Variants in RCL1 observed in about 807,000 individuals in gnomAD.
RCL1 encodes RNA 3'-terminal phosphate cyclase-like protein.
RCL1 carries 24 observed loss-of-function variants against 42.4 expected under a neutral mutation model. The ratio of observed to expected loss-of-function variants is 0.57; its 90% CI spans 0.41 to 0.80. The LOEUF (loss-of-function observed/expected upper bound fraction) is 0.80, where lower values mean the gene tolerates loss of function less well. Ranked by LOEUF, RCL1 falls within the 30% of genes least tolerant of loss-of-function variation. The pLI is 0.00. For synonymous variants in RCL1, 228 were observed against 177.3 expected (o/e 1.29, Z -2.27); for missense variants, 578 against 467.9 (o/e 1.24, Z -2.17).
At chr9:4,802,679 T>C (rs1036606486) in intron 1 of RCL1, among the ~76,000 whole-genome samples, 3 of 152,256 alleles carry the variant, frequency 2.0e-5, no homozygotes, top group African/African-American at 7.2e-5. Context: ...ACTTAAATTT[T>C]TATTACATAT....
At chr9:4,841,162 C>T (rs777421654) in intron 5 of RCL1, 70 bp from the exon 6 acceptor site, 1 of 1,579,330 alleles carries the variant, frequency 6.3e-7, no homozygotes, top group Non-Finnish European at 8.7e-7. Flanking sequence ...CAAATACTTG[C>T]CAGCTTTATA....
chr9:4,823,714 C>T (rs938154735), intron 2 of RCL1, 95 bp downstream of exon 2: 3 of 775,800 alleles, frequency 3.9e-6, no homozygotes, highest in Non-Finnish European at 6.4e-6. Context: ...TCTAGTCAGT[C>T]TCTGCTTATC....
At chr9:4,801,116 G>C (rs1201995787) in intron 1 of RCL1, among the ~76,000 whole-genome samples, 1 of 152,186 alleles carries the variant, frequency 6.6e-6, no homozygotes, top group Non-Finnish European at 1.5e-5. Context: ...GATGTCTTAA[G>C]TGAAACATCT....
At chr9:4,835,514 T>C (rs951034838) in intron 5 of RCL1, among the ~76,000 whole-genome samples, 6 of 152,102 alleles carry the variant, frequency 3.9e-5, no homozygotes, top group Non-Finnish European at 7.4e-5. Flanking sequence ...GACCACTCTT[T>C]ACAGAACCTT....
chr9:4,806,136 A>C (rs767277349), intron 1 of RCL1, among the ~76,000 whole-genome samples: 3 of 145,998 alleles, frequency 2.1e-5, no homozygotes. Flanking sequence ...TTCCCTTGTC[A>C]TTTCCTTGGA....
intron 6 of RCL1, among the ~76,000 whole-genome samples, chr9:4,841,881 G>C (rs1439995142): frequency 2.0e-5 from 3 of 152,066 alleles, no homozygotes; most frequent in African/African-American, 4.8e-5. Flanking sequence ...TTCTAAGTAA[G>C]GAAAATAAGT....
At position 4,823,625 on chromosome 9, in the gene RCL1, C is replaced by T. The variant is rs1465957246; in HGVS notation, c.208+6C>T. On this transcript the variant is annotated splice_donor_region_variant and intron_variant, in intron 2 of 8. Coordinates refer to ENST00000381750, the MANE Select transcript of RCL1 (RefSeq NM_005772.5). ...AATTGAAATAAACCAAACAGGTAAGCTCCTTTTAGATTCCTAAAAGCACCT... is the reference window on the plus strand; with the variant it reads ...AATTGAAATAAACCAAACAGGTAAGTTCCTTTTAGATTCCTAAAAGCACCT... The T allele has an allele frequency of 6.2e-7, 1 of 1,602,520 alleles. No individual in the cohort carries two copies. The highest frequency in any genetic ancestry group is 8.5e-7 in the Non-Finnish European group (1 of 1,173,274).
At chr9:4,817,026 C>T (rs1040644934) in intron 1 of RCL1, among the ~76,000 whole-genome samples, 2 of 152,162 alleles carry the variant, frequency 1.3e-5, no homozygotes, top group Non-Finnish European at 2.9e-5. Context: ...ACCGTGTTAG[C>T]CAGGATGGTC....
At chr9:4,828,412 A>C (rs563598375) in intron 3 of RCL1, among the ~76,000 whole-genome samples, 1 of 152,220 alleles carries the variant, frequency 6.6e-6, no homozygotes, top group African/African-American at 2.4e-5. Flanking sequence ...TTAGGCAATA[A>C]AAACTTATTC....
At position 4,844,574 on chromosome 9, in the gene RCL1, T is replaced by G; in HGVS notation, c.760T>G (p.Phe254Val). The G allele has an allele frequency of 6.2e-7, 1 of 1,613,836 alleles. No individual in the cohort carries two copies. Among genetic ancestry groups the G allele is most frequent in the Non-Finnish European group, 8.5e-7 (1 of 1,179,864 alleles). ...SLVAETTSGT[F>V]LSAELASNPQ... ...GGTTGCTGAGACCACCAGTGGCACC[T>G]TCCTCAGTGCTGAACTGGCCTCCAA... Residue 254 changes from phenylalanine (F) to valine (V), a missense_variant, in exon 7 of 9, where the codon TTC (phenylalanine) becomes GTC (valine). By Grantham distance (50) the Phe-to-Val change is conservative (BLOSUM62 -1). Coordinates refer to ENST00000381750, the MANE Select transcript of RCL1 (RefSeq NM_005772.5).
At position 4,860,409 on chromosome 9, in the gene RCL1, A is replaced by G. The variant is rs567128800; in HGVS notation, c.*134A>G. 4 of 955,252 alleles carry G rather than the reference A, an allele frequency of 4.2e-6. No homozygotes were observed. Among genetic ancestry groups the G allele is most frequent in the African/African-American group, 3.4e-5 (2 of 58,350 alleles). The allele number at this position is 955,252 out of a possible 1,614,324, so 59.2% of individuals were successfully genotyped here. A position where few individuals can be genotyped will look rare whatever the true frequency, so the allele number is the denominator to read the frequency against. Reference sequence around the variant, plus strand: ...CTTAATTTTCTGTGAAGAAATATCAATATACAAATAAAAGACATCCCTGTA... The same window carrying G: ...CTTAATTTTCTGTGAAGAAATATCAGTATACAAATAAAAGACATCCCTGTA... On this transcript the variant is annotated 3_prime_UTR_variant, in exon 9 of 9. Coordinates refer to ENST00000381750, the MANE Select transcript of RCL1 (RefSeq NM_005772.5).
intron 7 of RCL1, among the ~76,000 whole-genome samples, chr9:4,847,991 C>T (rs1044241565): frequency 8.5e-5 from 13 of 152,198 alleles, no homozygotes; most frequent in African/African-American, 2.9e-4. Context: ...AGGGTGATAG[C>T]CCCTACCACT....
chr9:4,847,758 C>T (rs1817571872), intron 7 of RCL1, among the ~76,000 whole-genome samples: 2 of 152,232 alleles, frequency 1.3e-5, no homozygotes, highest in South Asian at 4.1e-4. Context: ...TTGGGCTACC[C>T]ACCTTCTCTG....
chr9:4,850,534 T>C (rs1352718921), intron 8 of RCL1, among the ~76,000 whole-genome samples: 1 of 151,120 alleles, frequency 6.6e-6, no homozygotes, highest in Admixed American at 6.6e-5. Flanking sequence ...GGAGGTTTTT[T>C]TAGAACAGGA....
At position 4,860,510 on chromosome 9, in the gene RCL1, T is replaced by G. The variant is rs1399137721; in HGVS notation, c.*235T>G. On this transcript the variant is annotated 3_prime_UTR_variant, in exon 9 of 9. Coordinates refer to ENST00000381750, the MANE Select transcript of RCL1 (RefSeq NM_005772.5). ...GGCCCAGTCACCATGAGAGCTCCCT[T>G]GCCTTACCTGGAGGAAGAATGTGCC... 6.3e-6 allele frequency: 3 copies of G among 475,412 alleles called. No homozygotes were observed. Among genetic ancestry groups the G allele is most frequent in the Non-Finnish European group, 1.1e-5 (3 of 275,670 alleles). 29.4% of individuals were successfully genotyped at this position (475,412 alleles called of 1,614,324 possible).
At chr9:4,808,043 C>G (rs771330770) in intron 1 of RCL1, among the ~76,000 whole-genome samples, 2 of 151,940 alleles carry the variant, frequency 1.3e-5, no homozygotes, top group Middle Eastern at 6.8e-3. Flanking sequence ...GGGTGGAGTG[C>G]TCTATAAATG....
chr9:4,803,284 A>T (rs531501548), intron 1 of RCL1, among the ~76,000 whole-genome samples: 1 of 152,338 alleles, frequency 6.6e-6, no homozygotes, highest in African/African-American at 2.4e-5. Flanking sequence ...TGCTTTTAGA[A>T]CCAAGACTAA....
chr9:4,837,112 AG>A (rs1295899325), intron 5 of RCL1, among the ~76,000 whole-genome samples: 1 of 152,194 alleles, frequency 6.6e-6, no homozygotes, highest in Admixed American at 6.5e-5. Flanking sequence ...AGCTGGAATA[AG>A]GTTAATTAGG....
intron 1 of RCL1, among the ~76,000 whole-genome samples, chr9:4,799,710 A>C (rs1003597781): frequency 6.6e-6 from 1 of 152,094 alleles, no homozygotes; most frequent in African/African-American, 2.4e-5. Context: ...TAAATTAAAA[A>C]AATTTTTAAA....
Sources: allele counts gnomAD v4.1 joint callset (sites outside exome capture counted in the v4.1 genomes callset), GRCh38; gene constraint gnomAD v4.1.1; transcripts MANE v1.5; gene names NCBI Gene and HGNC (gene_info 2026-07-23, HGNC 2026-07-21).